The following WDR59 variants were observed in gnomAD, a reference collection of about 807,000 sequenced individuals.
WDR59 encodes GATOR2 complex protein WDR59.
Under a neutral mutation model 131.2 loss-of-function variants are expected in WDR59, and 100 were observed. The ratio of observed to expected loss-of-function variants is 0.76; its 90% confidence interval spans 0.65 to 0.90. The LOEUF (loss-of-function observed/expected upper bound fraction) is 0.90. Ranked by LOEUF, WDR59 falls within the 40% of genes least tolerant of loss-of-function variation. WDR59 has a pLI of 0.00. For missense variants in WDR59, 1,203 were observed against 1,262.2 expected (o/e 0.95, Z 0.71); for synonymous variants, 601 against 466.2 (o/e 1.29, Z -3.72).
In WDR59 at chr16:74,984,877, T is replaced by G. The variant is rs568033128; in HGVS notation, c.54+87A>C. On this transcript the variant is annotated intron_variant, in intron 1 of 25. Transcript: ENST00000262144. ...CAGTACGGGGCCTAGGGTCTCCCCGTAGCCCCCCGGGACGGAAGCAGCCGC... is the reference window on the plus strand; with the variant it reads ...CAGTACGGGGCCTAGGGTCTCCCCGGAGCCCCCCGGGACGGAAGCAGCCGC... 86 of 1,543,250 alleles carry G rather than the reference T, an allele frequency of 5.6e-5. 1 individual carries two copies. In the South Asian group the frequency reaches 9.9e-4, roughly 18 times the overall value.
rs1964117262 is a variant in WDR59, at chr16:74,874,572, G to A, written c.2690-128C>T. The A allele has an allele frequency of 5.5e-6, 4 of 731,426 alleles. No homozygotes were observed. The East Asian group carries it at 1.1e-4, about 20-fold the overall frequency. 45.3% of individuals were successfully genotyped at this position (731,426 alleles called of 1,614,324 possible). A position where few individuals can be genotyped will look rare whatever the true frequency, so the allele number is the denominator to read the frequency against. On this transcript the variant is annotated intron_variant, in intron 25 of 25. Transcript: ENST00000262144. ...TCTAGCAGATTCTCTTAGACCAGTG[G>A]TTTTCATTTTCTGTTTTTTTTATTT...
At chr16:74,972,501 A>T (rs903324133) in intron 1 of WDR59, among the ~76,000 whole-genome samples, 3 of 152,112 alleles carry the variant, frequency 2.0e-5, no homozygotes, top group Non-Finnish European at 4.4e-5. Flanking sequence ...GGTGCAGCAG[A>T]AACGGTATGC....
Position 74,956,575 on chromosome 16 carries a change from G to T in WDR59, c.140C>A (p.Pro47His). The T allele has an allele frequency of 1.2e-6, 2 of 1,614,126 alleles. No individual in the cohort carries two copies. The change falls in exon 3 of 26, where the codon CCT (proline) becomes CAT (histidine). Residue 47 changes from proline to histidine, a missense_variant. By Grantham distance (77) the Pro-to-His change is moderately conservative. Coordinates refer to ENST00000262144, the MANE Select transcript of WDR59 (RefSeq NM_030581.4). ...AGAGATCTTTCGGTGACCTTCGAAA[G>T]GGGCATCTAGATTGACGATGTATAA... Reference protein sequence around the residue: ...RFLYIVNLDAPFEGHRKISRQ... With the variant: ...RFLYIVNLDAHFEGHRKISRQ...
intron 7 of WDR59, among the ~76,000 whole-genome samples, chr16:74,939,095 A>T (rs2032026874): frequency 6.6e-6 from 1 of 151,878 alleles, no homozygotes; most frequent in Admixed American, 6.5e-5. Context: ...TGGGAGGCCA[A>T]GGTGGGTGGA....
In WDR59 at chr16:74,958,592, CAAAAAAAAAAAA is replaced by C. The variant is rs747175030; in HGVS notation, c.105-1994_105-1983del. Among the ~76,000 whole-genome samples the C allele has an allele frequency of 1.1e-3, 15 of 13,234 alleles. 1 individual carries two copies. Among genetic ancestry groups the C allele is most frequent in the African/African-American group, 2.8e-3 (13 of 4,692 alleles). 8.7% of individuals were successfully genotyped at this position (13,234 alleles called of 152,430 possible). ...TGGGGGACAGGCTGAGACTCCATCT[CAAAAAAAAAAAA>C]AAAAAAAAAAAAAAAACAAGCTAAA... On this transcript the variant is annotated intron_variant, in intron 2 of 25. Transcript: ENST00000262144.
intron 2 of WDR59, among the ~76,000 whole-genome samples, chr16:74,959,983 T>C (rs1449129484): frequency 1.3e-5 from 2 of 152,134 alleles, no homozygotes; most frequent in Non-Finnish European, 2.9e-5. Flanking sequence ...TTGAAATTTT[T>C]TGAAAATTAA....
chr16:74,930,064 G>T lies in WDR59; in HGVS notation c.652-6061C>A. Among the ~76,000 whole-genome samples the T allele has an allele frequency of 2.0e-5, 3 of 152,256 alleles. No homozygotes were observed. The South Asian group carries it at 6.2e-4, about 32-fold the overall frequency. On this transcript the variant is annotated intron_variant, in intron 8 of 25. Coordinates refer to ENST00000262144, the MANE Select transcript of WDR59 (RefSeq NM_030581.4). ...TAGTGGGGTAGAGCGGGGGGAGCCAGAAGTGGGGATGGTTAATGGGTAGAA... is the reference window on the plus strand; with the variant it reads ...TAGTGGGGTAGAGCGGGGGGAGCCATAAGTGGGGATGGTTAATGGGTAGAA...
chr16:74,886,934 AAAAT>A (rs1056880807), intron 23 of WDR59, among the ~76,000 whole-genome samples: 2 of 152,170 alleles, frequency 1.3e-5, no homozygotes, highest in Non-Finnish European at 2.9e-5. Flanking sequence ...AAAACTAAAA[AAAAT>A]AAATAAATAA....
At chr16:74,912,088 G>C (rs752954674) in intron 14 of WDR59, 110 bp downstream of exon 14, 1 of 1,463,198 alleles carries the variant, frequency 6.8e-7, no homozygotes, top group Non-Finnish European at 9.5e-7. Context: ...GTGTGTGTAC[G>C]AAACAGATGA....
intron 25 of WDR59, among the ~76,000 whole-genome samples, chr16:74,881,645 TGGGTGGATCACAA>T (rs1964488124): frequency 6.6e-6 from 1 of 151,804 alleles, no homozygotes; most frequent in South Asian, 2.1e-4. Flanking sequence ...GAGGCCCAGG[TGGGTGGATCACAA>T]GGTCAGGAGT....
intron 1 of WDR59, among the ~76,000 whole-genome samples, chr16:74,970,571 G>GA (rs2033945503): frequency 7.0e-6 from 1 of 142,350 alleles, no homozygotes; most frequent in Admixed American, 7.5e-5. Flanking sequence ...CACCTTTTCC[G>GA]AAAGCACTTT....
In WDR59 at chr16:74,944,143, C is replaced by T. The variant is rs151227080; in HGVS notation, c.446-1317G>A. On this transcript the variant is annotated intron_variant, in intron 6 of 25. Coordinates refer to ENST00000262144, the MANE Select transcript of WDR59 (RefSeq NM_030581.4). ...GGGCTCCCAAGGGACTCTGGGAAGC[C>T]CCCTCAATGCAACCTGCTTTATCAA... Among the ~76,000 whole-genome samples, 263 of 152,118 alleles carry T rather than the reference C, an allele frequency of 1.7e-3. 1 individual carries two copies. The highest frequency in any genetic ancestry group is 6.2e-3 in the African/African-American group (257 of 41,506).
chr16:74,959,596 C>A, intron 2 of WDR59: 4 of 424,316 alleles, frequency 9.4e-6, no homozygotes, highest in East Asian at 7.6e-5. Context: ...ACCTTATCTG[C>A]ATAAAGAAAA....
chr16:74,946,237 T>C (rs1001802419), intron 6 of WDR59, among the ~76,000 whole-genome samples: 1 of 152,242 alleles, frequency 6.6e-6, no homozygotes, highest in Non-Finnish European at 1.5e-5. Flanking sequence ...GTTATGTATG[T>C]ACAGAAAAGA....
Position 74,922,119 on chromosome 16 carries a change from G to A in WDR59, c.730-16C>T. The A allele has an allele frequency of 1.9e-6, 3 of 1,613,854 alleles. No individual in the cohort carries two copies. Among genetic ancestry groups the A allele is most frequent in the Non-Finnish European group, 1.7e-6 (2 of 1,179,862 alleles). On this transcript the variant is annotated splice_polypyrimidine_tract_variant and intron_variant, in intron 9 of 25. Transcript: ENST00000262144. ...TGCTGAAAGGCTAAGGCAGGGAAGG[G>A]AAAAGCAGGTGATTAGATTATTTCA...
chr16:74,879,773 C>G (rs556316246), intron 25 of WDR59, among the ~76,000 whole-genome samples: 377 of 152,080 alleles, frequency 2.5e-3, no homozygotes, highest in Non-Finnish European at 4.6e-3. Flanking sequence ...AACCTTAGAA[C>G]AATAACCCCA....
intron 25 of WDR59, among the ~76,000 whole-genome samples, chr16:74,882,054 C>T (rs927964691): frequency 1.3e-5 from 2 of 152,106 alleles, no homozygotes; most frequent in Admixed American, 1.3e-4. Context: ...GTTTATACTT[C>T]ATTCTCTCTG....
intron 1 of WDR59, among the ~76,000 whole-genome samples, chr16:74,981,638 A>T (rs1480966203): frequency 0.013 from 85 of 6,602 alleles, 3 homozygotes; most frequent in Middle Eastern, 0.045. Flanking sequence ...ATATATATAT[A>T]TATATATATA....
intron 7 of WDR59, 37 bp downstream of exon 7, chr16:74,942,701 T>A (rs372760891): frequency 5.0e-4 from 798 of 1,605,028 alleles, no homozygotes; most frequent in Middle Eastern, 2.0e-3. Flanking sequence ...CTGGGAGGGA[T>A]CAAAGACCAA....
Sources: allele counts gnomAD v4.1 joint callset (sites outside exome capture counted in the v4.1 genomes callset), GRCh38; gene constraint gnomAD v4.1.1; transcripts MANE v1.5; gene names NCBI Gene and HGNC (gene_info 2026-07-23, HGNC 2026-07-21).